Variants in ARHGEF10 observed in about 807,000 individuals in gnomAD.
ARHGEF10 encodes Rho guanine nucleotide exchange factor 10.
A neutral mutation model predicts 147.4 loss-of-function variants in ARHGEF10; 140 were observed. The ratio of observed to expected loss-of-function variants is 0.95; its 90% CI spans 0.83 to 1.09. The LOEUF (loss-of-function observed/expected upper bound fraction) is 1.09. Ranked by LOEUF, ARHGEF10 falls within the 50% of genes least tolerant of loss-of-function variation. ARHGEF10 has a pLI of 0.00. For missense variants in ARHGEF10, 2,222 were observed against 1,752.7 expected (o/e 1.27, Z -4.78); for synonymous variants, 902 against 695.8 (o/e 1.30, Z -4.67).
At chr8:1,929,130 G>T (rs1247680300) in intron 24 of ARHGEF10, among the ~76,000 whole-genome samples, 156 bp from the exon 25 acceptor site, 1 of 152,196 alleles carries the variant, frequency 6.6e-6, no homozygotes, top group African/African-American at 2.4e-5. Flanking sequence ...AATCAAGGTG[G>T]TTGCAAATTT....
In ARHGEF10 at chr8:1,901,586, A is replaced by G. The variant is rs149818854; in HGVS notation, c.1651-1695A>G. The stretch of plus-strand genomic sequence containing the variant: ...TTTCTGATAATAACAGCAGCGAGAA[A>G]CTTCACTTTTCTCCTTCCCTGAGCC... On this transcript the variant is annotated intron_variant, in intron 15 of 28. Coordinates refer to ENST00000349830, the MANE Select transcript of ARHGEF10 (RefSeq NM_014629.4). 2.9e-3 allele frequency among the ~76,000 whole-genome samples: 440 copies of G among 152,270 alleles called. 1 individual carries two copies. The highest frequency in any genetic ancestry group is 9.9e-3 in the African/African-American group (411 of 41,528).
At chr8:1,951,836 G>A (rs1489738289) in intron 27 of ARHGEF10, among the ~76,000 whole-genome samples, 1 of 151,526 alleles carries the variant, frequency 6.6e-6, no homozygotes, top group Admixed American at 6.6e-5. Context: ...GACCCACCCT[G>A]AAACCACAGT....
chr8:1,834,072 C>G (rs1017812730), intron 1 of ARHGEF10, among the ~76,000 whole-genome samples: 8 of 152,234 alleles, frequency 5.3e-5, no homozygotes, highest in African/African-American at 1.9e-4. Flanking sequence ...GGGCACGCAG[C>G]TGTCTGGACA....
chr8:1,833,949 C>T (rs1427372330), intron 1 of ARHGEF10, among the ~76,000 whole-genome samples: 4 of 152,064 alleles, frequency 2.6e-5, no homozygotes, highest in Admixed American at 2.0e-4. Context: ...CCCCCAATGA[C>T]CACTCCTGCT....
intron 11 of ARHGEF10, among the ~76,000 whole-genome samples, chr8:1,887,123 G>A (rs972237686): frequency 6.6e-6 from 1 of 152,206 alleles, no homozygotes; most frequent in Non-Finnish European, 1.5e-5. Context: ...TGCATGTGGG[G>A]TACCTATTCT....
At chr8:1,895,791 G>C (rs1563249928) in intron 13 of ARHGEF10, among the ~76,000 whole-genome samples, 1 of 152,152 alleles carries the variant, frequency 6.6e-6, no homozygotes, top group African/African-American at 2.4e-5. Context: ...TTTGAATATT[G>C]ATAGCAAGGG....
At chr8:1,876,126 A>C (rs1807677797) in intron 7 of ARHGEF10, 1 of 206,328 alleles carries the variant, frequency 4.8e-6, no homozygotes, top group African/African-American at 2.3e-5. Flanking sequence ...CTATCCATCC[A>C]CCTACCCATA....
intron 26 of ARHGEF10, among the ~76,000 whole-genome samples, chr8:1,940,528 G>A (rs1268890581): frequency 6.6e-6 from 1 of 152,186 alleles, no homozygotes; most frequent in Non-Finnish European, 1.5e-5. Context: ...GGACCAGATG[G>A]CTTCATTGGT....
intron 18 of ARHGEF10, among the ~76,000 whole-genome samples, chr8:1,914,786 G>A (rs1185199637): frequency 6.6e-6 from 1 of 152,222 alleles, no homozygotes; most frequent in African/African-American, 2.4e-5. Context: ...TGTATGGCGT[G>A]TGGATTTGCA....
chr8:1,952,553 G>C (rs1357990629), intron 27 of ARHGEF10, 152 bp from the exon 28 acceptor site: 1 of 985,304 alleles, frequency 1.0e-6, no homozygotes, highest in South Asian at 1.5e-5. Context: ...AGGGAGCCTG[G>C]TGCTCGGGTT....
intron 4 of ARHGEF10, 41 bp from the exon 5 acceptor site, chr8:1,864,328 TTTTG>T: frequency 6.3e-7 from 1 of 1,596,320 alleles, no homozygotes; most frequent in Non-Finnish European, 8.6e-7. Flanking sequence ...TCATGAGCAT[TTTTG>T]TCAGGCGTAA....
At chr8:1,866,493 G>T in intron 5 of ARHGEF10, 33 bp from the exon 6 acceptor site, 1 of 1,609,038 alleles carries the variant, frequency 6.2e-7, no homozygotes. Flanking sequence ...GCTGTGCCTG[G>T]ATATTCTGAC....
intron 16 of ARHGEF10, chr8:1,903,780 G>C (rs986218131): frequency 5.1e-6 from 2 of 388,638 alleles, no homozygotes; most frequent in Non-Finnish European, 9.6e-6. Flanking sequence ...TTTAATTTCA[G>C]ATAGTAATAG....
intron 1 of ARHGEF10, among the ~76,000 whole-genome samples, chr8:1,839,959 AAGCT>A (rs1803881495): frequency 1.8e-5 from 1 of 56,710 alleles, no homozygotes; most frequent in Non-Finnish European, 3.8e-5. Flanking sequence ...TCCGGTGTGG[AAGCT>A]GTCTGGTGTG....
intron 15 of ARHGEF10, among the ~76,000 whole-genome samples, chr8:1,902,158 C>A (rs1375032628): frequency 1.3e-5 from 2 of 152,062 alleles, no homozygotes; most frequent in Non-Finnish European, 2.9e-5. Context: ...TCACCCCCCG[C>A]CCCGCAACAG....
chr8:1,942,922 A>T (rs1814226752), intron 26 of ARHGEF10, among the ~76,000 whole-genome samples: 1 of 152,226 alleles, frequency 6.6e-6, no homozygotes, highest in Admixed American at 6.5e-5. Context: ...AGTGGTTGTC[A>T]GGGGCTGGGG....
chr8:1,860,285 T>C (rs932402543), intron 4 of ARHGEF10, 101 bp downstream of exon 4: 17 of 1,505,740 alleles, frequency 1.1e-5, no homozygotes, highest in Non-Finnish European at 1.4e-5. Context: ...ATGCCCCGGA[T>C]GTGGCCTGTG....
intron 4 of ARHGEF10, among the ~76,000 whole-genome samples, chr8:1,864,015 T>A (rs931747262): frequency 1.3e-5 from 2 of 152,060 alleles, no homozygotes; most frequent in Non-Finnish European, 2.9e-5. Context: ...ACATCCCGTT[T>A]CTTTCTAACT....
intron 16 of ARHGEF10, chr8:1,903,705 T>A: frequency 1.8e-6 from 1 of 562,126 alleles, no homozygotes; most frequent in African/African-American, 1.9e-5. Context: ...CTCAAATGGA[T>A]CCAGGACCTC....
Sources: gnomAD v4.1 joint callset for allele counts (sites outside exome capture counted in the v4.1 genomes callset) on GRCh38, gnomAD v4.1.1 for gene constraint, MANE v1.5 for transcripts, NCBI Gene and HGNC (gene_info 2026-07-23, HGNC 2026-07-21) for gene names.